Variants in ADGRB3 observed in about 807,000 individuals in gnomAD.
ADGRB3 encodes the protein adhesion G protein-coupled receptor B3.
ADGRB3 carries 37 observed loss-of-function variants against 193.4 expected under a neutral mutation model. The ratio of observed to expected loss-of-function variants is 0.19; its 90% CI spans 0.15 to 0.25. The LOEUF (loss-of-function observed/expected upper bound fraction) is 0.25, where lower values mean the gene tolerates loss of function less well. Ranked by LOEUF, ADGRB3 falls within the 10% of genes least tolerant of loss-of-function variation. ADGRB3 has a pLI of 1.00. For synonymous variants in ADGRB3, 690 were observed against 644.2 expected, an observed-to-expected ratio of 1.07 and a Z score of -1.08; for missense variants, 1,637 against 1,852.9, an observed-to-expected ratio of 0.88 and a Z score of 2.14.
chr6:69,339,671 AG>A (rs1194849603), intron 26 of ADGRB3, among the ~76,000 whole-genome samples, 167 bp downstream of exon 26: 1 of 152,132 alleles, frequency 6.6e-6, no homozygotes, highest in African/African-American at 2.4e-5. Flanking sequence ...AGCTTGGGAG[AG>A]CCCCCAGCAC....
At chr6:69,267,462 A>T (rs1241216718) in intron 20 of ADGRB3, among the ~76,000 whole-genome samples, 1 of 152,160 alleles carries the variant, frequency 6.6e-6, no homozygotes, top group Non-Finnish European at 1.5e-5. Context: ...AAAAGTACTG[A>T]GCTAGCATTA....
intron 10 of ADGRB3, among the ~76,000 whole-genome samples, chr6:68,984,199 GT>G (rs1488650724): frequency 6.6e-6 from 1 of 152,106 alleles, no homozygotes. Flanking sequence ...GTCATATGAG[GT>G]TTCTATGGAG....
chr6:69,357,824 A>G (rs1769367045), intron 28 of ADGRB3, among the ~76,000 whole-genome samples: 1 of 151,922 alleles, frequency 6.6e-6, no homozygotes. Flanking sequence ...AAATGTTGTC[A>G]GGATGCAGTC....
chr6:68,848,526 T>C (rs1181025798), intron 3 of ADGRB3, among the ~76,000 whole-genome samples: 1 of 152,102 alleles, frequency 6.6e-6, no homozygotes, highest in East Asian at 1.9e-4. Flanking sequence ...TGCATTAATC[T>C]AACAAACTAG....
intron 6 of ADGRB3, among the ~76,000 whole-genome samples, chr6:68,948,621 T>A (rs1245642248): frequency 1.3e-5 from 2 of 152,126 alleles, no homozygotes; most frequent in African/African-American, 4.8e-5. Flanking sequence ...TTTATAGTAA[T>A]ATTTTCCCCT....
At chr6:69,093,906 T>C (rs913209653) in intron 17 of ADGRB3, among the ~76,000 whole-genome samples, 28 of 152,308 alleles carry the variant, frequency 1.8e-4, no homozygotes, top group African/African-American at 5.3e-4. Flanking sequence ...CTAACAGTTA[T>C]AGAAAGCTGT....
intron 13 of ADGRB3, among the ~76,000 whole-genome samples, chr6:69,033,398 G>C (rs1297485): frequency 5.3e-5 from 8 of 151,812 alleles, no homozygotes; most frequent in African/African-American, 1.7e-4. Flanking sequence ...GCAAAATTTC[G>C]CCAATTATCT....
intron 3 of ADGRB3, among the ~76,000 whole-genome samples, chr6:68,928,614 A>G (rs76452555): frequency 6.6e-6 from 1 of 152,148 alleles, no homozygotes; most frequent in Non-Finnish European, 1.5e-5. Flanking sequence ...ATTTCAGCCT[A>G]TTATCATGCT....
intron 13 of ADGRB3, among the ~76,000 whole-genome samples, chr6:69,029,326 A>G (rs902992399): frequency 2.6e-5 from 4 of 152,190 alleles, no homozygotes; most frequent in Admixed American, 1.3e-4. Flanking sequence ...GCTTTCATAA[A>G]TCTTTTATAC....
At chr6:69,009,308 GA>G (rs1769864377) in intron 11 of ADGRB3, among the ~76,000 whole-genome samples, 1 of 152,106 alleles carries the variant, frequency 6.6e-6, no homozygotes, top group Non-Finnish European at 1.5e-5. Context: ...TATAACTGGG[GA>G]GGGGGGAGTG....
chr6:68,735,966 T>G (rs1765863135), intron 3 of ADGRB3, among the ~76,000 whole-genome samples: 1 of 152,118 alleles, frequency 6.6e-6, no homozygotes, highest in Non-Finnish European at 1.5e-5. Flanking sequence ...TAAAGAACTG[T>G]GTGACTTAAA....
At chr6:68,861,385 C>T (rs937593367) in intron 3 of ADGRB3, among the ~76,000 whole-genome samples, 1 of 151,984 alleles carries the variant, frequency 6.6e-6, no homozygotes, top group African/African-American at 2.4e-5. Flanking sequence ...CACGGTGAAA[C>T]CCCGTCTCTA....
rs145463485 is a variant in ADGRB3, at chr6:68,864,723, T to C, written c.758-65836T>C. 2.2e-3 allele frequency among the ~76,000 whole-genome samples: 340 copies of C among 152,322 alleles called. 1 individual carries two copies. The highest frequency in any genetic ancestry group is 7.9e-3 in the African/African-American group (329 of 41,564). On this transcript the variant is annotated intron_variant, in intron 3 of 31. Transcript: ENST00000370598. The stretch of plus-strand genomic sequence containing the variant: ...ACAGCATCTCCTTTGCTCAAGTTAC[T>C]GGCCAGTTCATTTGTTCTGGGAGCT...
chr6:69,103,827 G>A (rs1773135137), intron 17 of ADGRB3, among the ~76,000 whole-genome samples: 1 of 150,900 alleles, frequency 6.6e-6, no homozygotes, highest in East Asian at 1.9e-4. Context: ...TAAGATAGAA[G>A]CATTTCTGTT....
At chr6:68,967,091 C>A (rs1014103169) in intron 8 of ADGRB3, among the ~76,000 whole-genome samples, 1 of 152,124 alleles carries the variant, frequency 6.6e-6, no homozygotes, top group Non-Finnish European at 1.5e-5. Context: ...CCAGTTTGCA[C>A]CTGTGAATCT....
At chr6:69,088,649 C>CA (rs936407734) in intron 17 of ADGRB3, among the ~76,000 whole-genome samples, 2 of 152,194 alleles carry the variant, frequency 1.3e-5, no homozygotes, top group African/African-American at 2.4e-5. Flanking sequence ...GCTGGGATGA[C>CA]AGGCATGAGC....
chr6:69,382,762 A>T, intron 30 of ADGRB3, 69 bp from the exon 31 acceptor site: 1 of 1,197,348 alleles, frequency 8.4e-7, no homozygotes, highest in East Asian at 2.7e-5. Flanking sequence ...AAGCAAAAAT[A>T]TTAAATCTCT....
At chr6:68,805,711 G>A (rs1217889745) in intron 3 of ADGRB3, among the ~76,000 whole-genome samples, 1 of 152,156 alleles carries the variant, frequency 6.6e-6, no homozygotes, top group Non-Finnish European at 1.5e-5. Flanking sequence ...CATAAGGCTT[G>A]CTAATATCCC....
chr6:68,953,744 A>C (rs1409799573), intron 6 of ADGRB3, among the ~76,000 whole-genome samples: 1 of 152,238 alleles, frequency 6.6e-6, no homozygotes, highest in Non-Finnish European at 1.5e-5. Context: ...TATTAAGTAC[A>C]GCTGGATGCC....
Sources: gnomAD v4.1 joint callset for allele counts (sites outside exome capture counted in the v4.1 genomes callset) on GRCh38, gnomAD v4.1.1 for gene constraint, MANE v1.5 for transcripts, NCBI Gene and HGNC (gene_info 2026-07-23, HGNC 2026-07-21) for gene names.